Variants in CFAP70 observed in about 807,000 individuals in gnomAD.
CFAP70 encodes the protein cilia and flagella associated protein 70.
Under a neutral mutation model 137.6 loss-of-function variants are expected in CFAP70, and 81 were observed. The ratio of observed to expected loss-of-function variants is 0.59; its 90% confidence interval spans 0.49 to 0.71. The LOEUF (loss-of-function observed/expected upper bound fraction) is 0.71, where lower values mean the gene tolerates loss of function less well. Among genes scored for constraint, CFAP70 ranks in the 30% least tolerant of loss-of-function variants. The pLI, the probability that CFAP70 is intolerant of heterozygous loss-of-function variation, is 0.00. For synonymous variants in CFAP70, 382 were observed against 423.6 expected, an observed-to-expected ratio of 0.90 and a Z score of 1.20; for missense variants, 976 against 1,226.7, an observed-to-expected ratio of 0.80 and a Z score of 3.05.
chr10:73,354,916 G>A (rs1009021271), intron 1 of CFAP70, 81 bp from the exon 2 acceptor site: 2 of 817,922 alleles, frequency 2.4e-6, no homozygotes, highest in East Asian at 2.7e-5. Flanking sequence ...CCAATACCAG[G>A]GAAAACCTAA....
At chr10:73,347,125 G>C (rs2053778001) in intron 4 of CFAP70, 1 of 152,234 alleles carries the variant, frequency 6.6e-6, no homozygotes, top group Non-Finnish European at 1.5e-5. Context: ...AGTAAGTCAG[G>C]ATTCTGGAAC....
Position 73,275,655 on chromosome 10 carries a change from G to A in CFAP70, c.2521-57C>T, listed in dbSNP as rs1055259235. The A allele has an allele frequency of 1.2e-5, 17 of 1,387,288 alleles. No individual in the cohort carries two copies. The Admixed American group carries it at 1.9e-4, about 15-fold the overall frequency. 85.9% of individuals were successfully genotyped at this position (1,387,288 alleles called of 1,614,324 possible). On this transcript the variant is annotated intron_variant, in intron 21 of 26. Coordinates refer to ENST00000310715, the Ensembl canonical transcript of CFAP70. This position sits in a 1 kb window ranked among gnomAD's most constrained non-coding sequence, Gnocchi z 4.0. ...TAAATGGCTGCATTGCGTCTTTTTCGGTTGAAGGATTCTGTCTCTGATAAT... is the reference window on the plus strand; with the variant it reads ...TAAATGGCTGCATTGCGTCTTTTTCAGTTGAAGGATTCTGTCTCTGATAAT...
chr10:73,298,508 C>T (rs539286480), intron 14 of CFAP70, among the ~76,000 whole-genome samples: 1 of 152,050 alleles, frequency 6.6e-6, no homozygotes, highest in Admixed American at 6.5e-5. Context: ...ATGATTAAGG[C>T]CTCCTTTCTG....
intron 19 of CFAP70, among the ~76,000 whole-genome samples, chr10:73,282,406 C>T (rs531676016): frequency 2.6e-5 from 4 of 152,242 alleles, no homozygotes; most frequent in African/African-American, 9.6e-5. Context: ...ATATCATAGT[C>T]CCAGGCGGGC....
chr10:73,276,105 G>GT (rs756867610), intron 21 of CFAP70: 2,104 of 132,574 alleles, frequency 0.016, 32 homozygotes, highest in Admixed American at 0.057. Context: ...TTTGTATTTT[G>GT]TTTTTTTTTT....
chr10:73,323,239 T>C (rs540151632), intron 8 of CFAP70, 142 bp from the exon 10 acceptor site: 2 of 618,994 alleles, frequency 3.2e-6, no homozygotes, highest in South Asian at 9.7e-5. Context: ...GCCAGTTACA[T>C]AAGACATTTT....
upstream of CFAP70, chr10:73,358,805 T>C (rs975278824): frequency 1.3e-5 from 2 of 152,326 alleles, no homozygotes; most frequent in African/African-American, 4.8e-5. Context: ...GCAAGTTTAT[T>C]CCAAGACTCG....
intron 4 of CFAP70, 152 bp from the exon 6 acceptor site, chr10:73,345,396 G>A (rs2053621046): frequency 5.6e-6 from 4 of 718,864 alleles, no homozygotes; most frequent in Middle Eastern, 7.4e-4. Flanking sequence ...TAAGTCCCAT[G>A]AGTTGGAGAT....
At chr10:73,356,764 A>G (rs2054713441) in intron 1 of CFAP70, among the ~76,000 whole-genome samples, 1 of 152,158 alleles carries the variant, frequency 6.6e-6, no homozygotes, top group South Asian at 2.1e-4. Context: ...CTTTTGTATC[A>G]GTCTTCTTTC....
intron 24 of CFAP70, 174 bp downstream of exon 25, chr10:73,272,754 A>G (rs112831320): frequency 1.6e-5 from 11 of 690,786 alleles, no homozygotes; most frequent in African/African-American, 1.1e-4. Flanking sequence ...TTATTTTTCT[A>G]GCTAGTTAAG....
At chr10:73,356,899 A>G (rs561807714) in intron 1 of CFAP70, among the ~76,000 whole-genome samples, 53 of 152,194 alleles carry the variant, frequency 3.5e-4, no homozygotes, top group Middle Eastern at 3.2e-3. Context: ...AGAATTGCTC[A>G]TTGAAAAAAC....
At chr10:73,353,509 G>A (rs754036129) in intron 3 of CFAP70, 47 bp downstream of exon 3, 3 of 1,540,714 alleles carry the variant, frequency 1.9e-6, no homozygotes, top group Non-Finnish European at 8.9e-7. Context: ...AACATGATAG[G>A]GAAGAAGGCA....
chr10:73,268,260 C>A (rs1180789732), intron 25 of CFAP70, among the ~76,000 whole-genome samples: 2 of 152,180 alleles, frequency 1.3e-5, no homozygotes, highest in Non-Finnish European at 2.9e-5. Context: ...TAATTAATTA[C>A]AAGCATGTTT....
intron 10 of CFAP70, 77 bp downstream of exon 11, chr10:73,312,396 A>G: frequency 9.6e-7 from 1 of 1,045,362 alleles, no homozygotes; most frequent in Non-Finnish European, 1.4e-6. Context: ...CATTGATACC[A>G]GTCACCAAGT....
At chr10:73,273,659 T>G (rs2046475974) in intron 23 of CFAP70, among the ~76,000 whole-genome samples, 1 of 152,224 alleles carries the variant, frequency 6.6e-6, no homozygotes, top group Admixed American at 6.5e-5. Context: ...AAACTTCTCC[T>G]TATATACTTC....
rs1359378065 is a variant in CFAP70 at position 73,259,069 on chromosome 10, C to A, written c.3028-2653G>T. Among the ~76,000 whole-genome samples the A allele has an allele frequency of 2.0e-5, 3 of 152,138 alleles. No individual in the cohort carries two copies. The East Asian group carries it at 5.8e-4, about 29-fold the overall frequency. On this transcript the variant is annotated intron_variant, in intron 25 of 26. Coordinates refer to ENST00000310715, the Ensembl canonical transcript of CFAP70. ...GTGACCCACACCCTATTCGTACACCCCTCCCCTTTTGAAATCCATAATAAA... is the reference window on the plus strand; with the variant it reads ...GTGACCCACACCCTATTCGTACACCACTCCCCTTTTGAAATCCATAATAAA...
chr10:73,321,357 G>A (rs568454271), intron 9 of CFAP70, among the ~76,000 whole-genome samples: 19 of 152,296 alleles, frequency 1.2e-4, no homozygotes, highest in Non-Finnish European at 2.6e-4. Flanking sequence ...GAAAGAGGTT[G>A]CAGTAAGCCG....
At chr10:73,265,622 C>G (rs951306125) in intron 25 of CFAP70, among the ~76,000 whole-genome samples, 1 of 152,130 alleles carries the variant, frequency 6.6e-6, no homozygotes, top group Non-Finnish European at 1.5e-5. Flanking sequence ...TAATAACTTG[C>G]GCACGCTCAT....
chr10:73,321,689 G>GA (rs753061529), intron 9 of CFAP70, among the ~76,000 whole-genome samples: 31 of 147,066 alleles, frequency 2.1e-4, no homozygotes, highest in African/African-American at 4.0e-4. Context: ...CCTAAAAATG[G>GA]AAAAAAAAAA....
Sources: allele counts gnomAD v4.1 joint callset (sites outside exome capture counted in the v4.1 genomes callset), GRCh38; gene constraint gnomAD v4.1.1; non-coding constraint Gnocchi (gnomAD v3.1); transcripts MANE v1.5; gene names NCBI Gene and HGNC (gene_info 2026-07-23, HGNC 2026-07-21).